Variants in CNTN3 observed in about 807,000 individuals in gnomAD.
The protein encoded by CNTN3 is contactin 3, also known as contactin-3.
In CNTN3, 60 loss-of-function variants were observed where a neutral mutation model predicts 119.1. The ratio of observed to expected loss-of-function variants is 0.50; its 90% CI spans 0.41 to 0.62. CNTN3 has a LOEUF of 0.62. Ranked by LOEUF, CNTN3 falls within the 20% of genes least tolerant of loss-of-function variation. The pLI is 0.00. For synonymous variants in CNTN3, 450 were observed against 438.7 expected, an observed-to-expected ratio of 1.03 and a Z score of -0.32; for missense variants, 1,101 against 1,242.4, an observed-to-expected ratio of 0.89 and a Z score of 1.71.
chr3:74,587,199 T>C (rs1043360898), intron 1 of CNTN3, among the ~76,000 whole-genome samples: 1 of 152,004 alleles, frequency 6.6e-6, no homozygotes, highest in Non-Finnish European at 1.5e-5. Flanking sequence ...GGCAGGCAGT[T>C]AAGGATAGAT....
intron 3 of CNTN3, among the ~76,000 whole-genome samples, chr3:74,486,930 C>A (rs2107045197): frequency 6.6e-6 from 1 of 152,134 alleles, no homozygotes; most frequent in African/African-American, 2.4e-5. Flanking sequence ...TCTGTATAGG[C>A]AAAGATGAAG....
chr3:74,307,591 C>A (rs750821155), intron 13 of CNTN3, among the ~76,000 whole-genome samples: 8 of 151,882 alleles, frequency 5.3e-5, no homozygotes, highest in Non-Finnish European at 1.0e-4. Context: ...ATTTAAAAAC[C>A]ACTCTGCACT....
At chr3:74,583,772 A>G (rs1704551797) in intron 1 of CNTN3, among the ~76,000 whole-genome samples, 2 of 152,206 alleles carry the variant, frequency 1.3e-5, no homozygotes, top group Admixed American at 1.3e-4. Context: ...AGAGAAGATT[A>G]TACATTTTAA....
At chr3:74,449,630 T>G (rs1014753623) in intron 4 of CNTN3, among the ~76,000 whole-genome samples, 1 of 152,084 alleles carries the variant, frequency 6.6e-6, no homozygotes, top group Non-Finnish European at 1.5e-5. Flanking sequence ...CTTTTGAAAC[T>G]GCAGAAAGCG....
intron 5 of CNTN3, among the ~76,000 whole-genome samples, chr3:74,389,917 C>T (rs572255362): frequency 3.7e-4 from 57 of 152,290 alleles, no homozygotes; most frequent in Non-Finnish European, 4.6e-4. Context: ...CTTACTCTCT[C>T]TGAAATAAAT....
At chr3:74,414,196 G>A (rs1216605682) in intron 5 of CNTN3, among the ~76,000 whole-genome samples, 1 of 152,070 alleles carries the variant, frequency 6.6e-6, no homozygotes, top group Non-Finnish European at 1.5e-5. Flanking sequence ...TTTTGTAAAA[G>A]TTTTTTTAAA....
chr3:74,474,019 G>C (rs917292089), intron 4 of CNTN3, among the ~76,000 whole-genome samples: 1 of 152,130 alleles, frequency 6.6e-6, no homozygotes, highest in African/African-American at 2.4e-5. Flanking sequence ...AAACATTCTA[G>C]TTGTTGGATG....
At chr3:74,545,327 A>G (rs1015230064) in intron 1 of CNTN3, among the ~76,000 whole-genome samples, 2 of 152,176 alleles carry the variant, frequency 1.3e-5, no homozygotes, top group Non-Finnish European at 2.9e-5. Context: ...AATTTTCTGA[A>G]GATATTTATG....
At chr3:74,594,384 C>T (rs1704759958) in intron 1 of CNTN3, among the ~76,000 whole-genome samples, 1 of 149,780 alleles carries the variant, frequency 6.7e-6, no homozygotes, top group Non-Finnish European at 1.5e-5. Context: ...TGCTGGTGCA[C>T]TGCACCCATT....
chr3:74,506,027 C>T (rs897137558), intron 2 of CNTN3, among the ~76,000 whole-genome samples: 8 of 152,148 alleles, frequency 5.3e-5, no homozygotes, highest in African/African-American at 1.9e-4. Context: ...TAAAATAATA[C>T]TGCTCGCAGG....
At chr3:74,500,238 C>T (rs566349998) in intron 2 of CNTN3, among the ~76,000 whole-genome samples, 12 of 151,984 alleles carry the variant, frequency 7.9e-5, no homozygotes, top group Admixed American at 2.0e-4. Flanking sequence ...AATAAAAACA[C>T]TCAATATTTT....
chr3:74,391,605 C>T (rs1323540730), intron 5 of CNTN3, among the ~76,000 whole-genome samples: 2 of 139,394 alleles, frequency 1.4e-5, no homozygotes, highest in Admixed American at 7.3e-5. Flanking sequence ...CTTGCTCTGT[C>T]CCCCAGGCTG....
At chr3:74,360,471 T>C (rs1704051149) in intron 11 of CNTN3, among the ~76,000 whole-genome samples, 1 of 152,182 alleles carries the variant, frequency 6.6e-6, no homozygotes, top group East Asian at 1.9e-4. Context: ...TTTCATTAGC[T>C]GCAGAAATAT....
intron 19 of CNTN3, among the ~76,000 whole-genome samples, chr3:74,288,574 A>G (rs972096516): frequency 2.0e-5 from 3 of 152,212 alleles, no homozygotes; most frequent in Admixed American, 6.5e-5. Context: ...ATTATGGCAC[A>G]TTAATTACAT....
At chr3:74,346,575 C>A (rs1703693403) in intron 11 of CNTN3, among the ~76,000 whole-genome samples, 1 of 152,064 alleles carries the variant, frequency 6.6e-6, no homozygotes, top group Non-Finnish European at 1.5e-5. Flanking sequence ...GAGAAATTTA[C>A]CTCAGTGTAA....
chr3:74,537,106 A>G (rs139138383), intron 1 of CNTN3, among the ~76,000 whole-genome samples: 1 of 152,194 alleles, frequency 6.6e-6, no homozygotes, highest in East Asian at 1.9e-4. Flanking sequence ...AGGAGGAACA[A>G]TAGTACAATA....
intron 13 of CNTN3, among the ~76,000 whole-genome samples, chr3:74,311,267 T>A (rs754074785): frequency 6.6e-6 from 1 of 152,248 alleles, no homozygotes; most frequent in South Asian, 2.1e-4. Context: ...TCTTGATACT[T>A]CAGAAGTGTG....
At position 74,486,489 on chromosome 3, in the gene CNTN3, T is replaced by C. The variant is rs1702861053; in HGVS notation, c.325A>G (p.Ile109Val). 1.2e-6 allele frequency: 2 copies of C among 1,606,032 alleles called. No individual in the cohort carries two copies. Among genetic ancestry groups the C allele is most frequent in the African/African-American group, 1.3e-5 (1 of 74,424 alleles). Residue 109 changes from isoleucine (I) to valine (V), a missense_variant, in exon 4 of 23, where the codon ATT becomes GTT. Coordinates refer to ENST00000263665, the MANE Select transcript of CNTN3 (RefSeq NM_020872.3). ...TGAAGTTTGGCTTCTCTGCTGACAA[T>C]TGTTCCAAGTGAATTTGTTGCAAAA... is the stretch of plus-strand genomic sequence containing the variant. Reference protein sequence around the residue: ...QCFATNSLGTIVSREAKLQFA... With the variant: ...QCFATNSLGTVVSREAKLQFA...
intron 5 of CNTN3, among the ~76,000 whole-genome samples, chr3:74,392,930 G>T (rs1559579023): frequency 1.4e-5 from 2 of 146,600 alleles, no homozygotes; most frequent in Non-Finnish European, 3.0e-5. Context: ...TCAAGGTCTA[G>T]AACATTCCCA....
Sources: allele counts gnomAD v4.1 joint callset (sites outside exome capture counted in the v4.1 genomes callset), GRCh38; gene constraint gnomAD v4.1.1; transcripts MANE v1.5; gene names NCBI Gene and HGNC (gene_info 2026-07-23, HGNC 2026-07-21).